EBF1: variants seen among roughly 807,000 people sequenced by gnomAD.
EBF1 encodes EBF transcription factor 1.
Under a neutral mutation model 68.4 loss-of-function variants are expected in EBF1, and 10 were observed. The observed-to-expected ratio is 0.15, with a 90% CI of 0.09 to 0.25. The LOEUF is 0.25. Ranked by LOEUF, EBF1 falls within the 10% of genes least tolerant of loss-of-function variation. The pLI is 1.00. For missense variants in EBF1, 509 were observed against 794.4 expected (o/e 0.64, Z 4.32); for synonymous variants, 298 against 299.8 (o/e 0.99, Z 0.06).
intron 9 of EBF1, among the ~76,000 whole-genome samples, chr5:158,779,084 C>T (rs1775895043): frequency 6.6e-6 from 1 of 151,964 alleles, no homozygotes; most frequent in Non-Finnish European, 1.5e-5. Context: ...GATGATCTTC[C>T]CCAAATCAAG....
At chr5:158,941,196 G>C (rs1380829989) in intron 6 of EBF1, 1 of 455,852 alleles carries the variant, frequency 2.2e-6, no homozygotes, top group African/African-American at 2.0e-5. Context: ...GAGTGAAAGA[G>C]ACACTCATTC....
Position 158,697,981 on chromosome 5 carries a change from C to CTTAA in EBF1, c.*1126_*1129dup. 1 of 211,456 alleles carries CTTAA rather than the reference C, an allele frequency of 4.7e-6. No individual in the cohort carries two copies. The highest frequency in any genetic ancestry group is 9.6e-6 in the Non-Finnish European group (1 of 104,308). The allele number at this position is 211,456 out of a possible 1,614,324, so 13.1% of individuals were successfully genotyped here. A position where few individuals can be genotyped will look rare whatever the true frequency, so the allele number is the denominator to read the frequency against. The stretch of plus-strand genomic sequence containing the variant: ...TCTCCACCCCCGGTTCCCTTTAACT[C>CTTAA]TTAATTCCAAAGCACTTAACCTGTT... On this transcript the variant is annotated 3_prime_UTR_variant, in exon 16 of 16. Transcript: ENST00000313708.
intron 12 of EBF1, 57 bp from the exon 13 acceptor site, chr5:158,713,204 C>G: frequency 1.5e-6 from 2 of 1,320,452 alleles, no homozygotes; most frequent in Non-Finnish European, 2.0e-6. Context: ...CCCAATAATA[C>G]CATTTTTTCG....
chr5:158,926,120 G>T (rs892372511), intron 6 of EBF1, among the ~76,000 whole-genome samples: 2 of 152,002 alleles, frequency 1.3e-5, no homozygotes, highest in Non-Finnish European at 2.9e-5. Flanking sequence ...TAATATAAGG[G>T]TTATATTTCT....
chr5:158,877,179 G>T (rs1464920057), intron 6 of EBF1, among the ~76,000 whole-genome samples: 2 of 152,150 alleles, frequency 1.3e-5, no homozygotes, highest in African/African-American at 4.8e-5. Flanking sequence ...CTGAGAAGGT[G>T]CTGAGAAGAG....
At chr5:159,047,039 A>G (rs1404711700) in intron 6 of EBF1, among the ~76,000 whole-genome samples, 1 of 152,152 alleles carries the variant, frequency 6.6e-6, no homozygotes, top group Non-Finnish European at 1.5e-5. Flanking sequence ...CTGCGTACCG[A>G]GTGTCTGGCA....
At chr5:158,827,202 T>C (rs76192857) in intron 7 of EBF1, among the ~76,000 whole-genome samples, 3 of 152,306 alleles carry the variant, frequency 2.0e-5, no homozygotes, top group African/African-American at 7.2e-5. Context: ...ATGTGTCGGG[T>C]TGATAACCTG....
chr5:159,003,182 T>C (rs1762905560), intron 6 of EBF1, among the ~76,000 whole-genome samples: 1 of 152,226 alleles, frequency 6.6e-6, no homozygotes. Flanking sequence ...GCTAACTCTG[T>C]TAGTCACAAG....
chr5:158,941,009 A>T (rs1813236388), intron 6 of EBF1, among the ~76,000 whole-genome samples: 1 of 152,110 alleles, frequency 6.6e-6, no homozygotes, highest in South Asian at 2.1e-4. Flanking sequence ...TTTAATTGAA[A>T]ATGTCAACCA....
At chr5:159,045,195 T>C (rs1006719712) in intron 6 of EBF1, among the ~76,000 whole-genome samples, 11 of 152,114 alleles carry the variant, frequency 7.2e-5, no homozygotes, top group African/African-American at 2.7e-4. Flanking sequence ...ATCAGATCAT[T>C]TGTAATTTCT....
At chr5:158,815,712 A>C (rs1180017311) in intron 8 of EBF1, among the ~76,000 whole-genome samples, 1 of 152,186 alleles carries the variant, frequency 6.6e-6, no homozygotes, top group African/African-American at 2.4e-5. Context: ...TCTGATGCTG[A>C]GATCCTGCTG....
chr5:158,845,433 T>C (rs993692857), intron 6 of EBF1, among the ~76,000 whole-genome samples: 2 of 152,168 alleles, frequency 1.3e-5, no homozygotes, highest in African/African-American at 2.4e-5. Flanking sequence ...ATCTGTAAGA[T>C]GGGAGGAACA....
At chr5:158,827,921 C>CA (rs1562048086) in intron 7 of EBF1, among the ~76,000 whole-genome samples, 1 of 151,912 alleles carries the variant, frequency 6.6e-6, no homozygotes, top group East Asian at 1.9e-4. Context: ...TATTTCCTTC[C>CA]AAAAAATAAA....
At chr5:158,788,252 G>A (rs914907010) in intron 9 of EBF1, among the ~76,000 whole-genome samples, 1 of 152,104 alleles carries the variant, frequency 6.6e-6, no homozygotes, top group African/African-American at 2.4e-5. Flanking sequence ...AGACAGAAGA[G>A]AAAATATTCT....
chr5:158,792,596 T>C (rs1395845285), intron 9 of EBF1, among the ~76,000 whole-genome samples: 3 of 152,172 alleles, frequency 2.0e-5, no homozygotes, highest in Non-Finnish European at 2.9e-5. Context: ...CTGGGTGTGT[T>C]GGGTATAGAG....
intron 10 of EBF1, among the ~76,000 whole-genome samples, chr5:158,739,571 C>T (rs1765873041): frequency 6.6e-6 from 1 of 151,920 alleles, no homozygotes; most frequent in South Asian, 2.1e-4. Flanking sequence ...GGTTTCAAAG[C>T]CAAATTTGCT....
intron 7 of EBF1, among the ~76,000 whole-genome samples, chr5:158,832,387 A>G (rs967254141): frequency 1.3e-5 from 2 of 152,218 alleles, no homozygotes; most frequent in Non-Finnish European, 2.9e-5. Context: ...GAAAATCACC[A>G]TTTGTATTTA....
chr5:158,980,993 A>G (rs1471417087), intron 6 of EBF1, among the ~76,000 whole-genome samples: 1 of 152,220 alleles, frequency 6.6e-6, no homozygotes, highest in Non-Finnish European at 1.5e-5. Context: ...CCACTGCAAA[A>G]GTTTACAAAA....
intron 6 of EBF1, among the ~76,000 whole-genome samples, chr5:159,065,438 A>G (rs1776625186): frequency 6.6e-6 from 1 of 152,200 alleles, no homozygotes; most frequent in South Asian, 2.1e-4. Context: ...AAAATACCCT[A>G]TCATTTTACT....
Sources: allele counts gnomAD v4.1 joint callset (sites outside exome capture counted in the v4.1 genomes callset), GRCh38; gene constraint gnomAD v4.1.1; transcripts MANE v1.5; gene names NCBI Gene and HGNC (gene_info 2026-07-23, HGNC 2026-07-21).